Variants in WDHD1 observed in about 807,000 individuals in gnomAD.
WDHD1 encodes the protein WD repeat and HMG-box DNA binding protein 1.
Under a neutral mutation model 135.4 loss-of-function variants are expected in WDHD1, and 111 were observed. That is an observed-to-expected ratio of 0.82 (90% CI 0.70 to 0.96). The LOEUF (loss-of-function observed/expected upper bound fraction) is 0.96. WDHD1 is among the 40% of genes least tolerant of loss of function. The pLI is 0.00. For missense variants in WDHD1, 1,351 were observed against 1,336.3 expected (o/e 1.01, Z -0.17); for synonymous variants, 434 against 439.0 (o/e 0.99, Z 0.14).
chr14:55,013,213 A>AAAAAAAAAAAAAAAAAAAAAG (rs2042202229), intron 3 of WDHD1, among the ~76,000 whole-genome samples: 1 of 139,484 alleles, frequency 7.2e-6, no homozygotes, highest in Non-Finnish European at 1.6e-5. Flanking sequence ...AAAAAAAAAA[A>AAAAAAAAAAAAAAAAAAAAAG]AAAAATTGGT....
chr14:54,953,506 A>G (rs1275714034), intron 24 of WDHD1, among the ~76,000 whole-genome samples: 1 of 152,160 alleles, frequency 6.6e-6, no homozygotes, highest in Non-Finnish European at 1.5e-5. Context: ...AAATAGGAAC[A>G]CTTTTACACT....
At chr14:54,980,952 T>G (rs2140189233) in intron 16 of WDHD1, among the ~76,000 whole-genome samples, 1 of 150,422 alleles carries the variant, frequency 6.6e-6, no homozygotes. Context: ...CTACTAAAAA[T>G]ACAAAAAAAT....
intron 10 of WDHD1, among the ~76,000 whole-genome samples, chr14:54,997,531 A>G (rs933150749): frequency 3.9e-5 from 6 of 152,236 alleles, no homozygotes; most frequent in Non-Finnish European, 7.3e-5. Context: ...ACTAAGTGCT[A>G]TAAGAAGATA....
At position 54,998,419 on chromosome 14, in the gene WDHD1, C is replaced by T. The variant is rs113001206; in HGVS notation, c.942+2084G>A. Among the ~76,000 whole-genome samples the T allele has an allele frequency of 4.6e-5, 7 of 152,126 alleles. No individual in the cohort carries two copies. The South Asian group carries it at 6.2e-4, about 14-fold the overall frequency. ...TGCTGGGATTACAGCCGTGAGCCAC[C>T]GTGCCCAGCCAAAATTTTTTTTCTT... On this transcript the variant is annotated intron_variant, in intron 10 of 25. Transcript: ENST00000360586.
intron 16 of WDHD1, among the ~76,000 whole-genome samples, chr14:54,975,134 C>G (rs1172579479): frequency 6.6e-6 from 1 of 152,148 alleles, no homozygotes; most frequent in African/African-American, 2.4e-5. Context: ...CATTAAATAA[C>G]TCTTGTTTTG....
intron 14 of WDHD1, 146 bp from the exon 15 acceptor site, chr14:54,985,006 T>C: frequency 1.0e-6 from 1 of 1,000,060 alleles, no homozygotes; most frequent in Non-Finnish European, 1.5e-6. Flanking sequence ...AACTGAGGCA[T>C]CATTCAGGTA....
In WDHD1 at chr14:54,991,209, T is replaced by TGGTCCCCG; in HGVS notation, c.1341+3_1341+4insCGGGGACC. The TGGTCCCCG allele has an allele frequency of 1.4e-6, 2 of 1,450,294 alleles. No individual in the cohort carries two copies. Among genetic ancestry groups the TGGTCCCCG allele is most frequent in the Non-Finnish European group, 1.9e-6 (2 of 1,065,334 alleles). 89.8% of individuals were successfully genotyped at this position (1,450,294 alleles called of 1,614,324 possible). On this transcript the variant is annotated splice_donor_region_variant and intron_variant, in intron 12 of 25. Transcript: ENST00000360586. ...AAGAAGTTAAGTGTAGATCCAAGTC[T>TGGTCCCCG]TACCATGAATCTGTGAGTGAGATGC...
At chr14:54,968,776 C>T (rs1325976294) in intron 16 of WDHD1, among the ~76,000 whole-genome samples, 4 of 152,104 alleles carry the variant, frequency 2.6e-5, no homozygotes, top group Non-Finnish European at 5.9e-5. Context: ...GAAATGGGCT[C>T]ACACCTGTAA....
At chr14:54,983,537 G>A (rs142070762) in intron 15 of WDHD1, among the ~76,000 whole-genome samples, 3,021 of 152,182 alleles carry the variant, frequency 0.02, 72 homozygotes, top group African/African-American at 0.06. Flanking sequence ...GCCGAGTGTG[G>A]TGACGCAAGC....
chr14:55,000,161 G>T (rs955927186), intron 10 of WDHD1, among the ~76,000 whole-genome samples: 2 of 152,136 alleles, frequency 1.3e-5, no homozygotes, highest in East Asian at 3.8e-4. Context: ...AAAGCTGTTT[G>T]ACTAAGCAGA....
At chr14:55,017,155 T>C (rs1238795974) in intron 2 of WDHD1, among the ~76,000 whole-genome samples, 1 of 152,240 alleles carries the variant, frequency 6.6e-6, no homozygotes, top group Non-Finnish European at 1.5e-5. Context: ...TTAACACTAA[T>C]GATAAAATTC....
chr14:54,944,616 CTTTTTTT>C (rs780376690), intron 24 of WDHD1, 146 bp from the exon 25 acceptor site: 29 of 269,456 alleles, frequency 1.1e-4, no homozygotes, highest in South Asian at 7.9e-4. Context: ...ATTCATGTTA[CTTTTTTT>C]TTTTTTTTTT....
intron 10 of WDHD1, 86 bp downstream of exon 10, chr14:55,000,417 G>C: frequency 7.4e-7 from 1 of 1,344,414 alleles, no homozygotes; most frequent in Non-Finnish European, 9.7e-7. Context: ...AATTTTCCAA[G>C]AAAGTAAGGC....
At chr14:54,941,920 T>C (rs1203399069) in intron 25 of WDHD1, among the ~76,000 whole-genome samples, 1 of 152,188 alleles carries the variant, frequency 6.6e-6, no homozygotes, top group East Asian at 1.9e-4. Context: ...ATTAATCATA[T>C]TAGTTGCAAA....
chr14:54,980,162 AAAAAGTAGC>A (rs1363416249), intron 16 of WDHD1, among the ~76,000 whole-genome samples: 1 of 151,428 alleles, frequency 6.6e-6, no homozygotes, highest in African/African-American at 2.4e-5. Context: ...CTGTCTCTAC[AAAAAGTAGC>A]TGGGTGTGGT....
intron 2 of WDHD1, among the ~76,000 whole-genome samples, chr14:55,026,174 C>G (rs1360858986): frequency 6.6e-6 from 1 of 152,042 alleles, no homozygotes; most frequent in Non-Finnish European, 1.5e-5. Context: ...ATGAATCAAT[C>G]AACATAGAAG....
chr14:54,966,836 C>T (rs538653409), intron 17 of WDHD1, among the ~76,000 whole-genome samples: 2 of 152,292 alleles, frequency 1.3e-5, no homozygotes, highest in East Asian at 3.9e-4. Context: ...AGTTTCCTAG[C>T]TATCATAATT....
intron 16 of WDHD1, among the ~76,000 whole-genome samples, chr14:54,974,863 G>T (rs1360046850): frequency 3.3e-5 from 5 of 152,102 alleles, no homozygotes; most frequent in Admixed American, 3.3e-4. Flanking sequence ...AGAAAACTAG[G>T]TCGTGTCCAG....
At position 54,995,638 on chromosome 14, in the gene WDHD1, C is replaced by T. The variant is rs61744418; in HGVS notation, c.1118G>A (p.Arg373Gln). ...LMMASGRPRQ[R>Q]SHILEDDENS... The stretch of plus-strand genomic sequence containing the variant: ...TTCATCATCTTCTAGGATGTGACTT[C>T]GCTGTCTAGGACGACCTGAAGCCAT... Residue 373 changes from arginine to glutamine, a missense_variant, in exon 11 of 26, where the codon CGA (arginine) becomes CAA (glutamine). Around this residue, in one of 2 missense-constraint regions of WDHD1, gnomAD observed 1,330 missense variants for 1,296.1 expected, o/e 1.03. Coordinates refer to ENST00000360586, the MANE Select transcript of WDHD1 (RefSeq NM_007086.4). 5.2e-3 allele frequency: 8,346 copies of T among 1,609,320 alleles called. 372 individuals are homozygous for T. The African/African-American group carries it at 0.099, about 19-fold the overall frequency.
Sources: gnomAD v4.1 joint callset for allele counts (sites outside exome capture counted in the v4.1 genomes callset) on GRCh38, gnomAD v4.1.1 for gene constraint, gnomAD v4.1.1 regional missense constraint, MANE v1.5 for transcripts, NCBI Gene and HGNC (gene_info 2026-07-23, HGNC 2026-07-21) for gene names.